Variants in C12orf42 observed in about 807,000 individuals in gnomAD.
C12orf42 encodes chromosome 12 open reading frame 42.
C12orf42 carries 25 observed loss-of-function variants against 21.6 expected under a neutral mutation model. The ratio of observed to expected loss-of-function variants is 1.16; its 90% CI spans 0.84 to 1.62. The LOEUF (loss-of-function observed/expected upper bound fraction) is 1.62. Ranked by LOEUF, C12orf42 falls within the 40% of genes most tolerant of loss-of-function variation. C12orf42 has a pLI of 0.00. For synonymous variants in C12orf42, 174 were observed against 175.0 expected, an observed-to-expected ratio of 0.99 and a Z score of 0.05; for missense variants, 483 against 459.3, an observed-to-expected ratio of 1.05 and a Z score of -0.47.
At chr12:103,442,156 GTAAA>G (rs1233788134) in intron 2 of C12orf42, among the ~76,000 whole-genome samples, 1 of 151,982 alleles carries the variant, frequency 6.6e-6, no homozygotes, top group African/African-American at 2.4e-5. Flanking sequence ...AAATAAATAA[GTAAA>G]TAAAGTCTGA....
At chr12:103,275,592 T>A (rs1593260885) in intron 5 of C12orf42, among the ~76,000 whole-genome samples, 2 of 152,326 alleles carry the variant, frequency 1.3e-5, no homozygotes, top group Admixed American at 1.3e-4. Context: ...TATGAGGCTA[T>A]AATTTTGTAA....
At chr12:103,498,395 A>C (rs1226214064), upstream of C12orf42, among the ~76,000 whole-genome samples, 1 of 152,266 alleles carries the variant, frequency 6.6e-6, no homozygotes, top group African/African-American at 2.4e-5. Flanking sequence ...GCATTTTCCA[A>C]ATAGTCAAAA....
the C12orf42 span, among the ~76,000 whole-genome samples, chr12:103,112,891 G>T: frequency 2.6e-5 from 4 of 152,258 alleles, no homozygotes; most frequent in East Asian, 5.8e-4. Context: ...ACCACACAGT[G>T]CTGTACCTGC....
chr12:103,203,957 C>T, the C12orf42 span, among the ~76,000 whole-genome samples: 4 of 152,162 alleles, frequency 2.6e-5, no homozygotes, highest in Admixed American at 1.3e-4. Context: ...AGCCCAGCCC[C>T]AGGACCAGGT....
At chr12:103,420,766 G>C (rs1029460224) in intron 2 of C12orf42, among the ~76,000 whole-genome samples, 1 of 152,052 alleles carries the variant, frequency 6.6e-6, no homozygotes, top group African/African-American at 2.4e-5. Flanking sequence ...TGATCTGCCC[G>C]CCTCGGCCTC....
intron 4 of C12orf42, among the ~76,000 whole-genome samples, chr12:103,324,035 T>C (rs1185961216): frequency 6.6e-6 from 1 of 152,212 alleles, no homozygotes; most frequent in East Asian, 1.9e-4. Context: ...TTTAACACTA[T>C]GGCAAAAAAA....
chr12:103,474,511 A>G (rs935982756), intron 2 of C12orf42, among the ~76,000 whole-genome samples: 3 of 151,700 alleles, frequency 2.0e-5, no homozygotes, highest in Non-Finnish European at 4.4e-5. Flanking sequence ...ATCAAGAATA[A>G]TTCATCAAAA....
chr12:103,535,870 T>C, the C12orf42 span, among the ~76,000 whole-genome samples: 2 of 152,168 alleles, frequency 1.3e-5, no homozygotes, highest in Non-Finnish European at 2.9e-5. Context: ...CTAGATTGCC[T>C]GGTCTCAATT....
At chr12:103,340,070 G>A (rs2042037998) in intron 4 of C12orf42, among the ~76,000 whole-genome samples, 1 of 152,200 alleles carries the variant, frequency 6.6e-6, no homozygotes, top group Admixed American at 6.5e-5. Context: ...TTACTGCTGT[G>A]ACACAGGGAG....
the C12orf42 span, among the ~76,000 whole-genome samples, chr12:103,079,384 G>A: frequency 6.6e-6 from 1 of 152,272 alleles, no homozygotes; most frequent in South Asian, 2.1e-4. Flanking sequence ...GGTTCTGAAA[G>A]TGTATAGGTC....
the C12orf42 span, among the ~76,000 whole-genome samples, chr12:103,122,223 TGTGACTACTTCCCCCA>T: frequency 3.9e-5 from 6 of 152,236 alleles, no homozygotes; most frequent in African/African-American, 1.4e-4. Context: ...TGTTTCCATC[TGTGACTACTTCCCCCA>T]CTTTATAAAG....
chr12:103,389,077 G>T (rs552398141), intron 3 of C12orf42, among the ~76,000 whole-genome samples: 1 of 152,292 alleles, frequency 6.6e-6, no homozygotes, highest in African/African-American at 2.4e-5. Flanking sequence ...CATGCCAGGG[G>T]GAATGTTCCA....
At chr12:103,358,921 C>A (rs910218603) in intron 4 of C12orf42, among the ~76,000 whole-genome samples, 1 of 152,022 alleles carries the variant, frequency 6.6e-6, no homozygotes, top group Non-Finnish European at 1.5e-5. Context: ...GAATAATCTC[C>A]CACTGAGCCC....
chr12:103,517,979 A>G, the C12orf42 span, among the ~76,000 whole-genome samples: 1 of 152,180 alleles, frequency 6.6e-6, no homozygotes, highest in African/African-American at 2.4e-5. Context: ...TTTTAACATC[A>G]TGAATCAGAA....
chr12:103,058,094 T>G, the C12orf42 span, among the ~76,000 whole-genome samples: 1 of 151,996 alleles, frequency 6.6e-6, no homozygotes, highest in African/African-American at 2.4e-5. Flanking sequence ...TAGCTGGGAC[T>G]ACAGGCACGT....
At chr12:103,243,680 C>G (rs2033867853) in intron 10 of C12orf42, among the ~76,000 whole-genome samples, 1 of 152,068 alleles carries the variant, frequency 6.6e-6, no homozygotes, top group South Asian at 2.1e-4. Context: ...ATAAGCTTAA[C>G]AGTGTACTGG....
chr12:103,263,883 C>T (rs1006133044), downstream of C12orf42, among the ~76,000 whole-genome samples: 1 of 152,146 alleles, frequency 6.6e-6, no homozygotes, highest in Non-Finnish European at 1.5e-5. Context: ...CAATGATTCC[C>T]TTCACTTATG....
intron 2 of C12orf42, among the ~76,000 whole-genome samples, chr12:103,476,218 G>T (rs1394532746): frequency 6.6e-6 from 1 of 152,204 alleles, no homozygotes; most frequent in Non-Finnish European, 1.5e-5. Context: ...CAAGGTATTT[G>T]TCCTGCGGAA....
At chr12:103,525,811 CA>C in the C12orf42 span, among the ~76,000 whole-genome samples, 2 of 152,126 alleles carry the variant, frequency 1.3e-5, no homozygotes, top group African/African-American at 2.4e-5. Context: ...AGATGAATCA[CA>C]AGGTCAGGAA....
Sources: allele counts gnomAD v4.1 joint callset (sites outside exome capture counted in the v4.1 genomes callset), GRCh38; gene constraint gnomAD v4.1.1; transcripts MANE v1.5; gene names NCBI Gene and HGNC (gene_info 2026-07-23, HGNC 2026-07-21).